The following ELAPOR2 variants were observed in gnomAD, a reference collection of about 807,000 sequenced individuals.
ELAPOR2 encodes endosome-lysosome associated apoptosis and autophagy regulator family member 2.
In ELAPOR2, 89 loss-of-function variants were observed where a neutral mutation model predicts 120.7. The ratio of observed to expected loss-of-function variants is 0.74; its 90% CI spans 0.62 to 0.88. ELAPOR2 has a LOEUF of 0.88. Ranked by LOEUF, ELAPOR2 falls within the 40% of genes least tolerant of loss-of-function variation. The pLI is 0.00. For synonymous variants in ELAPOR2, 444 were observed against 444.9 expected (o/e 1.00, Z 0.03); for missense variants, 1,134 against 1,251.6 (o/e 0.91, Z 1.42).
intron 1 of ELAPOR2, among the ~76,000 whole-genome samples, chr7:87,014,332 T>C (rs1793795174): frequency 6.6e-6 from 1 of 152,182 alleles, no homozygotes; most frequent in South Asian, 2.1e-4. Context: ...TATTGGCTAA[T>C]TCAGTCTTCA....
intron 1 of ELAPOR2, among the ~76,000 whole-genome samples, chr7:86,970,205 C>T (rs1460600664): frequency 6.6e-6 from 1 of 152,154 alleles, no homozygotes; most frequent in Admixed American, 6.6e-5. Flanking sequence ...TATCAAGATA[C>T]AGCAGATGAC....
At chr7:86,886,699 G>A (rs1799707302) in intron 21 of ELAPOR2, among the ~76,000 whole-genome samples, 1 of 152,136 alleles carries the variant, frequency 6.6e-6, no homozygotes, top group South Asian at 2.1e-4. Flanking sequence ...ATATATTCAA[G>A]AATGCAGTTG....
At chr7:86,944,477 AT>A (rs1235820084) in intron 4 of ELAPOR2, among the ~76,000 whole-genome samples, 3 of 152,134 alleles carry the variant, frequency 2.0e-5, no homozygotes, top group African/African-American at 7.2e-5. Context: ...TAGCAAAAAA[AT>A]ACTTGAAATT....
At chr7:87,011,648 G>C (rs529639069) in intron 1 of ELAPOR2, among the ~76,000 whole-genome samples, 2 of 152,266 alleles carry the variant, frequency 1.3e-5, no homozygotes, top group South Asian at 4.2e-4. Context: ...GGTGTCTTGG[G>C]AGCTTTCACA....
At chr7:86,898,857 G>T (rs547110678) in intron 18 of ELAPOR2, among the ~76,000 whole-genome samples, 1 of 152,134 alleles carries the variant, frequency 6.6e-6, no homozygotes, top group Admixed American at 6.6e-5. Flanking sequence ...GTACTTAGGC[G>T]AGGTACTTTA....
At chr7:86,938,414 C>T (rs1448895873) in intron 7 of ELAPOR2, among the ~76,000 whole-genome samples, 200 bp from the exon 8 acceptor site, 3 of 152,020 alleles carry the variant, frequency 2.0e-5, no homozygotes, top group Admixed American at 2.0e-4. Flanking sequence ...CTATGATACA[C>T]ATGGAGTAGT....
chr7:86,949,515 C>A (rs1791148046), intron 2 of ELAPOR2, among the ~76,000 whole-genome samples: 2 of 152,104 alleles, frequency 1.3e-5, no homozygotes, highest in Non-Finnish European at 2.9e-5. Flanking sequence ...CTCTTGGGGG[C>A]CAGGAGCAGG....
intron 18 of ELAPOR2, among the ~76,000 whole-genome samples, chr7:86,900,878 A>G (rs1314756332): frequency 6.6e-6 from 1 of 152,230 alleles, no homozygotes; most frequent in Non-Finnish European, 1.5e-5. Flanking sequence ...TCTCCTACCA[A>G]GAAAACAGAA....
At chr7:86,995,382 C>A (rs560957095) in intron 1 of ELAPOR2, among the ~76,000 whole-genome samples, 6 of 152,220 alleles carry the variant, frequency 3.9e-5, no homozygotes, top group African/African-American at 1.4e-4. Context: ...AGGTAGAAGG[C>A]TGGATTTAGT....
intron 1 of ELAPOR2, among the ~76,000 whole-genome samples, chr7:87,057,191 C>A (rs542366471): frequency 1.3e-5 from 2 of 152,196 alleles, no homozygotes; most frequent in Admixed American, 6.5e-5. Context: ...AAGGGCTGAG[C>A]TCAAGAGGAT....
At chr7:86,931,261 A>C (rs956693196) in intron 8 of ELAPOR2, among the ~76,000 whole-genome samples, 5 of 151,946 alleles carry the variant, frequency 3.3e-5, no homozygotes, top group African/African-American at 1.2e-4. Flanking sequence ...GCACATATGA[A>C]GAGAGTACGT....
Position 86,981,817 on chromosome 7 carries a change from G to C in ELAPOR2, c.190-16793C>G, listed in dbSNP as rs141565069. 6.9e-4 allele frequency among the ~76,000 whole-genome samples: 105 copies of C among 152,290 alleles called. 2 individuals are homozygous for C. In the East Asian group the frequency reaches 0.017, roughly 25 times the overall value. On this transcript the variant is annotated intron_variant, in intron 1 of 21. Transcript: ENST00000450689. ...TCTCATTGGGACTGGTTGGACAGTG[G>C]GTGCAGCCCACTGAGGGTGAGCCAA...
chr7:86,964,755 G>T, intron 2 of ELAPOR2, 149 bp downstream of exon 2: 1 of 689,996 alleles, frequency 1.4e-6, no homozygotes, highest in Non-Finnish European at 2.4e-6. Flanking sequence ...ATCTAGTGAT[G>T]AGAAAGGCTG....
intron 19 of ELAPOR2, among the ~76,000 whole-genome samples, chr7:86,893,901 G>A (rs757427188): frequency 7.2e-5 from 11 of 152,020 alleles, no homozygotes; most frequent in Non-Finnish European, 1.2e-4. Flanking sequence ...CATATGGTTC[G>A]TTATATATTT....
At chr7:86,983,705 A>T (rs1428440816) in intron 1 of ELAPOR2, among the ~76,000 whole-genome samples, 1 of 152,248 alleles carries the variant, frequency 6.6e-6, no homozygotes, top group African/African-American at 2.4e-5. Flanking sequence ...ATGGGAAGGA[A>T]CAACTGGTAC....
chr7:86,974,873 A>G (rs545946343), intron 1 of ELAPOR2, among the ~76,000 whole-genome samples: 1 of 152,210 alleles, frequency 6.6e-6, no homozygotes, highest in South Asian at 2.1e-4. Flanking sequence ...ATTCCATAAC[A>G]TTCATTAGCA....
At chr7:87,012,227 T>C (rs1249628281) in intron 1 of ELAPOR2, among the ~76,000 whole-genome samples, 2 of 152,084 alleles carry the variant, frequency 1.3e-5, no homozygotes, top group Admixed American at 6.5e-5. Flanking sequence ...CTGGCCAACA[T>C]GGTGAAACCC....
intron 2 of ELAPOR2, among the ~76,000 whole-genome samples, chr7:86,964,348 C>T (rs1791828630): frequency 6.6e-6 from 1 of 152,106 alleles, no homozygotes; most frequent in Non-Finnish European, 1.5e-5. Context: ...TGTTGTACTT[C>T]AAACCTCCCA....
At chr7:86,954,718 G>C (rs1384116549) in intron 2 of ELAPOR2, among the ~76,000 whole-genome samples, 2 of 151,986 alleles carry the variant, frequency 1.3e-5, no homozygotes, top group Admixed American at 1.3e-4. Flanking sequence ...AATCCATCTT[G>C]TCAGTTAATA....
Sources: allele counts gnomAD v4.1 joint callset (sites outside exome capture counted in the v4.1 genomes callset), GRCh38; gene constraint gnomAD v4.1.1; transcripts MANE v1.5; gene names NCBI Gene and HGNC (gene_info 2026-07-23, HGNC 2026-07-21).